PRDM16: variants seen among roughly 807,000 people sequenced by gnomAD.
PRDM16 encodes PR/SET domain 16, also known as histone-lysine N-methyltransferase PRDM16.
A neutral mutation model predicts 110.6 loss-of-function variants in PRDM16; 23 were observed. That is an observed-to-expected ratio of 0.21 (90% CI 0.15 to 0.29). The LOEUF (loss-of-function observed/expected upper bound fraction) is 0.29, where lower values mean the gene tolerates loss of function less well. Among genes scored for constraint, PRDM16 ranks in the 10% least tolerant of loss-of-function variants. The pLI is 1.00. For synonymous variants in PRDM16, 799 were observed against 781.8 expected, an observed-to-expected ratio of 1.02 and a Z score of -0.37; for missense variants, 1,615 against 1,794.3, an observed-to-expected ratio of 0.90 and a Z score of 1.81.
chr1:3,406,393 TAG>T (rs1194103733), intron 8 of PRDM16, among the ~76,000 whole-genome samples: 5 of 151,854 alleles, frequency 3.3e-5, no homozygotes, highest in African/African-American at 1.2e-4. Flanking sequence ...GCTGTGAGCG[TAG>T]AGGCCCAGAG....
chr1:3,390,859 G>C lies in PRDM16; in HGVS notation c.573+5573G>C, dbSNP rs1643288991. Among the ~76,000 whole-genome samples the C allele has an allele frequency of 7.3e-6, 1 of 136,686 alleles. No homozygotes were observed. Among genetic ancestry groups the C allele is most frequent in the African/African-American group, 2.7e-5 (1 of 36,554 alleles). 89.7% of individuals were successfully genotyped at this position (136,686 alleles called of 152,430 possible). ...GTTTTTTTTTTTTTTTTTTTAGACAGAGTTTCACTCTTGTTGCCCAGGCCA... is the reference window on the plus strand; with the variant it reads ...GTTTTTTTTTTTTTTTTTTTAGACACAGTTTCACTCTTGTTGCCCAGGCCA... On this transcript the variant is annotated intron_variant, in intron 4 of 16. Coordinates refer to ENST00000270722, the MANE Select transcript of PRDM16 (RefSeq NM_022114.4). The surrounding 1 kb of genome is among the most constrained non-coding windows in gnomAD (Gnocchi z 5.0).
chr1:3,406,647 G>A (rs576734746), intron 8 of PRDM16, among the ~76,000 whole-genome samples: 1 of 152,148 alleles, frequency 6.6e-6, no homozygotes, highest in Non-Finnish European at 1.5e-5. Context: ...GGGGCTAAGG[G>A]CAAGAGGATG....
intron 3 of PRDM16, among the ~76,000 whole-genome samples, chr1:3,257,592 C>A (rs1640078856): frequency 1.0e-3 from 1 of 974 alleles, no homozygotes; most frequent in Non-Finnish European, 1.8e-3. Context: ...GTTACATTGG[C>A]ATAAACCTTG....
At chr1:3,215,248 G>T (rs1259569566) in intron 2 of PRDM16, among the ~76,000 whole-genome samples, 4 of 151,542 alleles carry the variant, frequency 2.6e-5, no homozygotes, top group African/African-American at 9.7e-5. Context: ...AGATGGCACA[G>T]AACAGAGCGG....
intron 8 of PRDM16, among the ~76,000 whole-genome samples, chr1:3,408,163 C>T (rs1181681112): frequency 4.6e-5 from 7 of 152,170 alleles, no homozygotes; most frequent in East Asian, 1.9e-4. Flanking sequence ...GCTGCGCAGG[C>T]GCTCATGGCC....
chr1:3,402,870 G>A lies in PRDM16; in HGVS notation c.756G>A (p.Thr252=), dbSNP rs775660693. Residue 252 remains threonine, a synonymous_variant, in exon 6 of 17, where the codon ACG becomes ACA. Coordinates refer to ENST00000270722, the MANE Select transcript of PRDM16 (RefSeq NM_022114.4). The part of the protein sequence containing the change: ...KLDLRRHKKY[T]CGSVGAALYE... ...ACCTGCGGCGCCATAAGAAGTACAC[G>A]TGTGGCTCAGTGGGGGCTGCGCTCT... The A allele has an allele frequency of 6.8e-6, 11 of 1,613,000 alleles. No individual in the cohort carries two copies. Among genetic ancestry groups the A allele is most frequent in the Admixed American group, 5.0e-5 (3 of 60,008 alleles).
At chr1:3,233,070 C>T (rs745573196) in intron 2 of PRDM16, among the ~76,000 whole-genome samples, 11 of 152,250 alleles carry the variant, frequency 7.2e-5, no homozygotes, top group African/African-American at 2.2e-4. Context: ...TGTATAGAAC[C>T]GATCATTGAT....
At chr1:3,323,924 G>A (rs989271532) in intron 3 of PRDM16, among the ~76,000 whole-genome samples, 3 of 152,204 alleles carry the variant, frequency 2.0e-5, no homozygotes, top group Admixed American at 6.5e-5. Context: ...CCAACATTGC[G>A]GGCAGCGGAC....
At position 3,244,169 on chromosome 1, in the gene PRDM16, C is replaced by A; in HGVS notation, c.438+32C>A. The A allele has an allele frequency of 6.2e-7, 1 of 1,609,122 alleles. No individual in the cohort carries two copies. The highest frequency in any genetic ancestry group is 8.5e-7 in the Non-Finnish European group (1 of 1,176,198). ...GAGCTCGCCCTGCGCCGTCTCAGCTCCCCAGCGTCCTCGGAGCTCCTGGCG... is the reference window on the plus strand; with the variant it reads ...GAGCTCGCCCTGCGCCGTCTCAGCTACCCAGCGTCCTCGGAGCTCCTGGCG... On this transcript the variant is annotated intron_variant, in intron 3 of 16. Coordinates refer to ENST00000270722, the MANE Select transcript of PRDM16 (RefSeq NM_022114.4). The surrounding 1 kb of genome is among the most constrained non-coding windows in gnomAD (Gnocchi z 4.1).
intron 1 of PRDM16, among the ~76,000 whole-genome samples, chr1:3,176,978 A>T (rs1644098556): frequency 6.6e-6 from 1 of 150,852 alleles, no homozygotes; most frequent in Non-Finnish European, 1.5e-5. Flanking sequence ...CCATTAACCC[A>T]TCCAGCACTC....
intron 7 of PRDM16, 22 bp from the exon 8 acceptor site, chr1:3,405,473 C>T: frequency 1.3e-6 from 2 of 1,544,430 alleles, no homozygotes; most frequent in South Asian, 2.4e-5. Flanking sequence ...AGGGCACGCG[C>T]CAACGGCATC....
In PRDM16 at chr1:3,268,525, G is replaced by A. The variant is rs1027198622; in HGVS notation, c.438+24388G>A. Among the ~76,000 whole-genome samples the A allele has an allele frequency of 3.0e-4, 45 of 152,326 alleles. 1 individual carries two copies. The highest frequency in any genetic ancestry group is 9.9e-4 in the African/African-American group (41 of 41,574). Reference sequence around the variant, plus strand: ...CGAGGGGCGAGGCTCATGGGCAACAGTGGGCAGCCTGGCAGGCCCTGGCAA... The same window carrying A: ...CGAGGGGCGAGGCTCATGGGCAACAATGGGCAGCCTGGCAGGCCCTGGCAA... On this transcript the variant is annotated intron_variant, in intron 3 of 16. Transcript: ENST00000270722.
intron 3 of PRDM16, among the ~76,000 whole-genome samples, chr1:3,355,814 G>T (rs1642584790): frequency 6.6e-6 from 1 of 152,174 alleles, no homozygotes; most frequent in Non-Finnish European, 1.5e-5. Flanking sequence ...GGTACACAAG[G>T]CTGCTGGCTC....
chr1:3,076,096 G>A (rs1641892441), intron 1 of PRDM16, among the ~76,000 whole-genome samples: 1 of 152,242 alleles, frequency 6.6e-6, no homozygotes, highest in Admixed American at 6.5e-5. Context: ...AGCCTGCTGT[G>A]AGGGAACCCA....
intron 3 of PRDM16, among the ~76,000 whole-genome samples, chr1:3,248,689 G>T (rs1009522142): frequency 1.3e-5 from 2 of 152,210 alleles, no homozygotes; most frequent in East Asian, 3.9e-4. Context: ...CGTACAAAAT[G>T]CTACAGGTCA....
At chr1:3,074,994 C>G (rs1641864738) in intron 1 of PRDM16, among the ~76,000 whole-genome samples, 1 of 152,256 alleles carries the variant, frequency 6.6e-6, no homozygotes, top group African/African-American at 2.4e-5. Context: ...TGCTCCCAAG[C>G]TTTGGTGGGC....
In PRDM16 at chr1:3,201,303, T is replaced by C. The variant is rs531795307; in HGVS notation, c.387+14829T>C. ...TTCGCTTTGTCATGGGATTTAAAATTACTTCAATTGCACTGACTTGAAGCT... is the reference window on the plus strand; with the variant it reads ...TTCGCTTTGTCATGGGATTTAAAATCACTTCAATTGCACTGACTTGAAGCT... On this transcript the variant is annotated intron_variant, in intron 2 of 16. Transcript: ENST00000270722. This position sits in a 1 kb window ranked among gnomAD's most constrained non-coding sequence, Gnocchi z 4.1. 2.0e-5 allele frequency among the ~76,000 whole-genome samples: 3 copies of C among 152,304 alleles called. No homozygotes were observed. The highest frequency in any genetic ancestry group is 7.2e-5 in the African/African-American group (3 of 41,572).
At chr1:3,118,401 G>C (rs1643017905) in intron 1 of PRDM16, among the ~76,000 whole-genome samples, 1 of 152,182 alleles carries the variant, frequency 6.6e-6, no homozygotes, top group South Asian at 2.1e-4. Flanking sequence ...GCCATGGAGA[G>C]GGGCTCCTGG....
intron 12 of PRDM16, among the ~76,000 whole-genome samples, chr1:3,423,640 G>A (rs1638504426): frequency 6.6e-6 from 1 of 152,182 alleles, no homozygotes; most frequent in African/African-American, 2.4e-5. Context: ...GGCGGGGTGG[G>A]GCCTCTCGGA....
Sources: gnomAD v4.1 joint callset for allele counts (sites outside exome capture counted in the v4.1 genomes callset) on GRCh38, gnomAD v4.1.1 for gene constraint, Gnocchi (gnomAD v3.1) non-coding constraint, MANE v1.5 for transcripts, NCBI Gene and HGNC (gene_info 2026-07-23, HGNC 2026-07-21) for gene names.